PTPRD: variants seen among roughly 807,000 people sequenced by gnomAD.
The protein encoded by PTPRD is protein tyrosine phosphatase receptor type D, also known as receptor-type tyrosine-protein phosphatase delta.
In PTPRD, 34 loss-of-function variants were observed where a neutral mutation model predicts 214.5. The ratio of observed to expected loss-of-function variants is 0.16; its 90% CI spans 0.12 to 0.21. The LOEUF (loss-of-function observed/expected upper bound fraction) is 0.21. Ranked by LOEUF, PTPRD falls within the 10% of genes least tolerant of loss-of-function variation. PTPRD has a pLI of 1.00. For synonymous variants in PTPRD, 1,128 were observed against 845.7 expected (o/e 1.33, Z -5.79); for missense variants, 2,545 against 2,398.7 (o/e 1.06, Z -1.27).
At chr9:8,546,335 G>A (rs1422038300) in intron 14 of PTPRD, among the ~76,000 whole-genome samples, 3 of 152,186 alleles carry the variant, frequency 2.0e-5, no homozygotes, top group Admixed American at 6.5e-5. Flanking sequence ...AGATTAACCT[G>A]AGGGACTTTA....
Position 9,332,580 on chromosome 9 carries a change from A to G in PTPRD, c.-203+64869T>C, listed in dbSNP as rs1186888077. Among the ~76,000 whole-genome samples, 8 of 151,746 alleles carry G rather than the reference A, an allele frequency of 5.3e-5. No homozygotes were observed. The East Asian group carries it at 1.4e-3, about 26-fold the overall frequency. ...AAATTAAGAAAATAGAAGTAAGAAA[A>G]AAAAAAAAAAACCTCTATACTGAGC... On this transcript the variant is annotated intron_variant, in intron 9 of 45. Transcript: ENST00000381196.
rs1002487566 is a variant in PTPRD, at chr9:8,735,140, T to G, written c.-103-1194A>C. Among the ~76,000 whole-genome samples the G allele has an allele frequency of 4.3e-5, 6 of 138,922 alleles. 1 individual carries two copies. The highest frequency in any genetic ancestry group is 2.3e-4 in the South Asian group (1 of 4,368). 91.1% of individuals were successfully genotyped at this position (138,922 alleles called of 152,430 possible). The stretch of plus-strand genomic sequence containing the variant: ...ATTCAATAATTTGGTTTTTTTTTGT[T>G]TTTTTTTTTCTGTTTTTTTTTTTGA... On this transcript the variant is annotated intron_variant, in intron 11 of 45. Transcript: ENST00000381196.
chr9:10,252,510 G>A (rs577572539), intron 3 of PTPRD, among the ~76,000 whole-genome samples: 1 of 150,204 alleles, frequency 6.7e-6, no homozygotes, highest in South Asian at 2.1e-4. Context: ...GAAACCCTGA[G>A]GGAAAGCCAC....
intron 2 of PTPRD, among the ~76,000 whole-genome samples, chr9:10,408,348 G>T (rs547577612): frequency 6.6e-6 from 1 of 151,646 alleles, no homozygotes; most frequent in East Asian, 2.0e-4. Context: ...AGCCTGCTAT[G>T]TAATGCTATA....
chr9:8,328,683 G>C (rs550761237), intron 44 of PTPRD, among the ~76,000 whole-genome samples: 26 of 151,526 alleles, frequency 1.7e-4, no homozygotes, highest in African/African-American at 6.3e-4. Flanking sequence ...AGTAAATTTG[G>C]TGTTTTCATA....
At chr9:9,645,154 G>A (rs753205049) in intron 7 of PTPRD, among the ~76,000 whole-genome samples, 44 of 152,284 alleles carry the variant, frequency 2.9e-4, no homozygotes, top group African/African-American at 5.1e-4. Context: ...GCTCACCTGC[G>A]TGCTTGCCCT....
At chr9:9,239,928 A>C (rs2099969523) in intron 9 of PTPRD, among the ~76,000 whole-genome samples, 1 of 152,172 alleles carries the variant, frequency 6.6e-6, no homozygotes, top group Non-Finnish European at 1.5e-5. Flanking sequence ...CAGGATGACT[A>C]GAGGTGGGAA....
In PTPRD at chr9:8,497,190, G is replaced by A. The variant is rs899122040; in HGVS notation, c.2349+52C>T. On this transcript the variant is annotated intron_variant, in intron 26 of 45. Transcript: ENST00000381196. ...CACAAATAAGTGAAAGGATGTCAGA[G>A]AAAACAAGCATATATAGTCTGCTTT... 17 of 1,469,006 alleles carry A rather than the reference G, an allele frequency of 1.2e-5. No homozygotes were observed. The Admixed American group carries it at 3.1e-4, about 27-fold the overall frequency. The allele number at this position is 1,469,006 out of a possible 1,614,324, so 91.0% of individuals were successfully genotyped here.
At chr9:9,644,937 T>C (rs1311160383) in intron 7 of PTPRD, among the ~76,000 whole-genome samples, 1 of 152,242 alleles carries the variant, frequency 6.6e-6, no homozygotes, top group Non-Finnish European at 1.5e-5. Flanking sequence ...TTCAAGTCTG[T>C]GTAACCTGAT....
intron 11 of PTPRD, among the ~76,000 whole-genome samples, chr9:8,918,053 G>A (rs1035285216): frequency 1.3e-5 from 2 of 152,136 alleles, no homozygotes; most frequent in African/African-American, 2.4e-5. Context: ...CAATTAAGGG[G>A]ACATCTGTTG....
At chr9:10,528,925 T>A (rs556726397) in intron 2 of PTPRD, among the ~76,000 whole-genome samples, 1 of 152,148 alleles carries the variant, frequency 6.6e-6, no homozygotes, top group South Asian at 2.1e-4. Context: ...GTGGATAGGG[T>A]TAGTTTTGTG....
At chr9:10,537,669 C>A (rs985497552) in intron 2 of PTPRD, among the ~76,000 whole-genome samples, 1 of 151,998 alleles carries the variant, frequency 6.6e-6, no homozygotes, top group African/African-American at 2.4e-5. Context: ...TATCTGTTTT[C>A]TCCTTCAGTG....
chr9:9,793,197 C>T (rs957965831), intron 5 of PTPRD, among the ~76,000 whole-genome samples: 1 of 152,034 alleles, frequency 6.6e-6, no homozygotes, highest in Admixed American at 6.6e-5. Flanking sequence ...ACAAAAATTG[C>T]TATTATCATA....
chr9:9,818,707 G>C (rs2049621026), intron 5 of PTPRD, among the ~76,000 whole-genome samples: 1 of 151,990 alleles, frequency 6.6e-6, no homozygotes, highest in South Asian at 2.1e-4. Flanking sequence ...CACGAGGTCA[G>C]GAGTTCGAAG....
intron 39 of PTPRD, among the ~76,000 whole-genome samples, chr9:8,358,384 A>G (rs1420447304): frequency 2.6e-5 from 4 of 152,214 alleles, no homozygotes; most frequent in South Asian, 2.1e-4. Flanking sequence ...TCAATTAAGC[A>G]TAACAGAGCA....
intron 9 of PTPRD, among the ~76,000 whole-genome samples, chr9:9,243,371 C>A (rs977540567): frequency 6.6e-6 from 1 of 152,148 alleles, no homozygotes; most frequent in African/African-American, 2.4e-5. Flanking sequence ...CCCTGATGAA[C>A]ATTGATGCAA....
chr9:8,550,819 C>T (rs62534057), intron 14 of PTPRD, among the ~76,000 whole-genome samples: 21,276 of 152,216 alleles, frequency 0.14, 1,659 homozygotes, highest in Non-Finnish European at 0.19. Context: ...AGTGTTCAAT[C>T]TTTCTTTTGT....
intron 22 of PTPRD, 85 bp from the exon 23 acceptor site, chr9:8,504,490 TATCATCAGGATTATA>T: frequency 6.9e-7 from 1 of 1,449,310 alleles, no homozygotes; most frequent in Non-Finnish European, 9.6e-7. Flanking sequence ...ATCAGATTTC[TATCATCAGGATTATA>T]ATCTCATCAA....
intron 2 of PTPRD, among the ~76,000 whole-genome samples, chr9:10,601,422 T>C (rs1336942717): frequency 6.6e-6 from 1 of 151,788 alleles, no homozygotes; most frequent in African/African-American, 2.4e-5. Flanking sequence ...ATTTCTAAAG[T>C]AATATACTGT....
Sources: allele counts gnomAD v4.1 joint callset (sites outside exome capture counted in the v4.1 genomes callset), GRCh38; gene constraint gnomAD v4.1.1; transcripts MANE v1.5; gene names NCBI Gene and HGNC (gene_info 2026-07-23, HGNC 2026-07-21).